The following AKAP6 variants were observed in gnomAD, a reference collection of about 807,000 sequenced individuals.
AKAP6 encodes the protein A-kinase anchor protein 6.
In AKAP6, 58 loss-of-function variants were observed where a neutral mutation model predicts 188.5. That is an observed-to-expected ratio of 0.31 (90% CI 0.25 to 0.38). AKAP6 has a LOEUF of 0.38. AKAP6 is among the 10% of genes least tolerant of loss of function. The pLI, the probability that AKAP6 is intolerant of heterozygous loss-of-function variation, is 1.00. For synonymous variants in AKAP6, 989 were observed against 998.6 expected, an observed-to-expected ratio of 0.99 and a Z score of 0.18; for missense variants, 2,710 against 2,740.0, an observed-to-expected ratio of 0.99 and a Z score of 0.24.
intron 2 of AKAP6, among the ~76,000 whole-genome samples, chr14:32,466,162 G>T (rs1288045706): frequency 6.6e-6 from 1 of 152,226 alleles, no homozygotes; most frequent in Non-Finnish European, 1.5e-5. Flanking sequence ...GTGGAAGACA[G>T]TGTGGGGATT....
At chr14:32,799,928 G>C (rs926289912) in intron 12 of AKAP6, among the ~76,000 whole-genome samples, 8 of 151,578 alleles carry the variant, frequency 5.3e-5, no homozygotes, top group African/African-American at 1.7e-4. Context: ...TCCAACAATA[G>C]GCTGAGTGTG....
intron 2 of AKAP6, among the ~76,000 whole-genome samples, chr14:32,518,073 C>T (rs1881616072): frequency 6.6e-6 from 1 of 152,166 alleles, no homozygotes; most frequent in Non-Finnish European, 1.5e-5. Context: ...TGGTGATACC[C>T]AGGCAAACAG....
intron 2 of AKAP6, among the ~76,000 whole-genome samples, chr14:32,510,446 A>ATACATATATATATG (rs1881176193): frequency 4.9e-4 from 11 of 22,676 alleles, no homozygotes; most frequent in African/African-American, 8.1e-4. Context: ...GTGTATATAT[A>ATACATATATATATG]TATACATATA....
intron 7 of AKAP6, among the ~76,000 whole-genome samples, chr14:32,628,769 C>T (rs1245926150): frequency 6.0e-5 from 9 of 151,080 alleles, no homozygotes; most frequent in African/African-American, 1.7e-4. Flanking sequence ...TTTTTTTTCT[C>T]TAAATTTTAA....
chr14:32,367,571 A>T (rs1218815242), intron 1 of AKAP6, among the ~76,000 whole-genome samples: 1 of 152,182 alleles, frequency 6.6e-6, no homozygotes, highest in Non-Finnish European at 1.5e-5. Flanking sequence ...CATTTTTATT[A>T]TATTTTAAAC....
intron 12 of AKAP6, among the ~76,000 whole-genome samples, chr14:32,804,189 A>G (rs1487422036): frequency 1.3e-5 from 2 of 152,176 alleles, no homozygotes; most frequent in South Asian, 2.1e-4. Flanking sequence ...CCACTTACCT[A>G]TAGCCTGTAA....
intron 1 of AKAP6, among the ~76,000 whole-genome samples, chr14:32,333,741 A>C (rs1174366352): frequency 6.6e-6 from 1 of 152,176 alleles, no homozygotes; most frequent in African/African-American, 2.4e-5. Context: ...TATTTTGAGA[A>C]ATAAAATTAT....
At chr14:32,526,182 A>G (rs958069629) in intron 2 of AKAP6, among the ~76,000 whole-genome samples, 9 of 151,770 alleles carry the variant, frequency 5.9e-5, no homozygotes. Flanking sequence ...CTCCCTCCTC[A>G]TCTTCCCAAG....
At chr14:32,457,842 A>C (rs1891195341) in intron 2 of AKAP6, among the ~76,000 whole-genome samples, 1 of 152,204 alleles carries the variant, frequency 6.6e-6, no homozygotes, top group Admixed American at 6.5e-5. Context: ...CCAAAGTAAA[A>C]AATTTAAACA....
chr14:32,445,154 C>T (rs911945304), intron 2 of AKAP6, among the ~76,000 whole-genome samples: 4 of 152,148 alleles, frequency 2.6e-5, no homozygotes, highest in Non-Finnish European at 4.4e-5. Flanking sequence ...TTCCTTCTCT[C>T]GACATTTTCC....
intron 4 of AKAP6, among the ~76,000 whole-genome samples, chr14:32,548,093 CTTTT>C (rs71115082): frequency 9.6e-6 from 1 of 104,234 alleles, no homozygotes; most frequent in African/African-American, 3.7e-5. Context: ...CTCCCACATG[CTTTT>C]TTTTTTTTTT....
chr14:32,828,100 G>A (rs1271615230), intron 13 of AKAP6, among the ~76,000 whole-genome samples: 3 of 152,078 alleles, frequency 2.0e-5, no homozygotes, highest in Non-Finnish European at 4.4e-5. Flanking sequence ...ATAGTTGGTG[G>A]CCAGTAGATT....
chr14:32,582,782 A>G (rs368662436), intron 5 of AKAP6, among the ~76,000 whole-genome samples: 17 of 152,124 alleles, frequency 1.1e-4, no homozygotes, highest in East Asian at 1.9e-4. Flanking sequence ...TGATCGCATC[A>G]GCTCCTGAGG....
chr14:32,654,656 G>T (rs944963990), intron 7 of AKAP6, among the ~76,000 whole-genome samples: 1 of 150,530 alleles, frequency 6.6e-6, no homozygotes, highest in Admixed American at 6.6e-5. Flanking sequence ...GACCAGCCTG[G>T]CAACGTGGCA....
intron 11 of AKAP6, among the ~76,000 whole-genome samples, chr14:32,766,158 C>A (rs1184763005): frequency 6.6e-6 from 1 of 152,084 alleles, no homozygotes; most frequent in Non-Finnish European, 1.5e-5. Context: ...ATGATGTTCT[C>A]AAGGTTCATC....
intron 9 of AKAP6, among the ~76,000 whole-genome samples, chr14:32,711,896 G>T: frequency 6.6e-6 from 1 of 151,926 alleles, no homozygotes; most frequent in East Asian, 1.9e-4. Flanking sequence ...GTAAAGTGAG[G>T]GGGGTGGACT....
intron 12 of AKAP6, among the ~76,000 whole-genome samples, chr14:32,795,486 T>C (rs911764578): frequency 6.6e-6 from 1 of 152,176 alleles, no homozygotes. Flanking sequence ...TGGTTCAACA[T>C]ATGTGAGTCA....
At chr14:32,454,724 CTTCCCTCCT>C (rs1891077350) in intron 2 of AKAP6, among the ~76,000 whole-genome samples, 1 of 49,062 alleles carries the variant, frequency 2.0e-5, no homozygotes, top group Admixed American at 1.9e-4. Context: ...TCCTTCTCTC[CTTCCCTCCT>C]TCCCTCCCTC....
At chr14:32,624,435 T>C (rs188103276) in intron 7 of AKAP6, among the ~76,000 whole-genome samples, 4 of 152,280 alleles carry the variant, frequency 2.6e-5, no homozygotes, top group African/African-American at 4.8e-5. Flanking sequence ...CATTTTAAAT[T>C]GCTTAAAGTT....
Sources: gnomAD v4.1 joint callset for allele counts (sites outside exome capture counted in the v4.1 genomes callset) on GRCh38, gnomAD v4.1.1 for gene constraint, MANE v1.5 for transcripts, NCBI Gene and HGNC (gene_info 2026-07-23, HGNC 2026-07-21) for gene names.